REV1: variants seen among roughly 807,000 people sequenced by gnomAD.
REV1 encodes the protein translesion synthesis protein REV1.
In REV1, 42 loss-of-function variants were observed where a neutral mutation model predicts 137.4. The ratio of observed to expected loss-of-function variants is 0.31; its 90% CI spans 0.24 to 0.40. The LOEUF is 0.40. REV1 is among the 10% of genes least tolerant of loss of function. The pLI, the probability that REV1 is intolerant of heterozygous loss-of-function variation, is 1.00. For synonymous variants in REV1, 524 were observed against 519.2 expected, an observed-to-expected ratio of 1.01 and a Z score of -0.12; for missense variants, 1,282 against 1,490.1, an observed-to-expected ratio of 0.86 and a Z score of 2.30.
Position 99,403,778 on chromosome 2 carries a change from A to G in REV1, c.3083T>C (p.Leu1028Pro). 6.2e-7 allele frequency: 1 copy of G among 1,614,168 alleles called. No homozygotes were observed. The highest frequency in any genetic ancestry group is 8.5e-7 in the Non-Finnish European group (1 of 1,180,028). The change falls in exon 19 of 23, where the codon CTT becomes CCT. Residue 1028 changes from leucine (L) to proline (P), a missense_variant. Transcript: ENST00000258428. Reference protein sequence around the residue: ...PEVFAALPAELQRELKAAYDQ... With the variant: ...PEVFAALPAEPQRELKAAYDQ... Reference sequence around the variant, plus strand: ...ATACGCTGCTTTCAGCTCCCTCTGAAGTTCAGCAGGAAGGGCAGCAAATAC... The same window carrying G: ...ATACGCTGCTTTCAGCTCCCTCTGAGGTTCAGCAGGAAGGGCAGCAAATAC...
Position 99,467,645 on chromosome 2 carries a change from G to C in REV1, c.-10-2660C>G, listed in dbSNP as rs1684955629. ...AGTCCAAGGGTCTTCCAAGGATAAA[G>C]ATTGCCGCAATTGCTATCAGAACCC... On this transcript the variant is annotated intron_variant, in intron 1 of 22. Coordinates refer to ENST00000258428, the MANE Select transcript of REV1 (RefSeq NM_016316.4). 2.6e-5 allele frequency among the ~76,000 whole-genome samples: 4 copies of C among 152,340 alleles called. No homozygotes were observed. The South Asian group carries it at 8.3e-4, about 32-fold the overall frequency.
chr2:99,403,365 T>A, intron 19 of REV1: 1 of 557,680 alleles, frequency 1.8e-6, no homozygotes, highest in Non-Finnish European at 3.2e-6. Flanking sequence ...GGGTTTGATG[T>A]TTGTGATGCA....
At chr2:99,481,888 A>C (rs1264922971) in intron 1 of REV1, among the ~76,000 whole-genome samples, 2 of 152,144 alleles carry the variant, frequency 1.3e-5, no homozygotes, top group African/African-American at 2.4e-5. Flanking sequence ...TTGACTGGCC[A>C]TTGTCTGATT....
intron 8 of REV1, among the ~76,000 whole-genome samples, chr2:99,430,719 G>A (rs1407156214): frequency 6.6e-6 from 1 of 152,100 alleles, no homozygotes; most frequent in Non-Finnish European, 1.5e-5. Flanking sequence ...CACACACTCT[G>A]GAGAGCCTAC....
chr2:99,447,399 T>C (rs1682361923), intron 4 of REV1, among the ~76,000 whole-genome samples: 1 of 152,146 alleles, frequency 6.6e-6, no homozygotes, highest in Non-Finnish European at 1.5e-5. Flanking sequence ...CTCGATCTCT[T>C]GACCTCGTGA....
intron 14 of REV1, chr2:99,408,409 G>C (rs1676639842): frequency 4.1e-6 from 1 of 241,792 alleles, no homozygotes; most frequent in African/African-American, 2.2e-5. Context: ...GAGAAATTTA[G>C]AAAAAGGTAG....
chr2:99,462,384 T>C lies in REV1; in HGVS notation c.181+112A>G. On this transcript the variant is annotated intron_variant, in intron 3 of 22. Coordinates refer to ENST00000258428, the MANE Select transcript of REV1 (RefSeq NM_016316.4). ...TAAGCAGATGATTTATTTCTTCTCA[T>C]CTTACAATCATTTGTCTATAATAAA... The C allele has an allele frequency of 4.0e-6, 4 of 1,010,014 alleles. No homozygotes were observed. In the South Asian group the frequency reaches 7.8e-5, roughly 20 times the overall value. The allele number at this position is 1,010,014 out of a possible 1,614,324, so 62.6% of individuals were successfully genotyped here.
chr2:99,419,205 ATTTTT>A (rs774732084), intron 11 of REV1, among the ~76,000 whole-genome samples: 2 of 116,010 alleles, frequency 1.7e-5, no homozygotes. Flanking sequence ...AGCAGTCCTG[ATTTTT>A]TTTTTTTTTT....
At chr2:99,407,050 T>G (rs529771322) in intron 15 of REV1, 1 of 140,670 alleles carries the variant, frequency 7.1e-6, no homozygotes, top group Admixed American at 7.6e-5. Context: ...TACTTACATA[T>G]GCACACATAA....
chr2:99,473,227 G>A (rs1575222319), intron 1 of REV1, among the ~76,000 whole-genome samples: 2 of 152,214 alleles, frequency 1.3e-5, no homozygotes, highest in Non-Finnish European at 2.9e-5. Context: ...TATTAGCTGG[G>A]AGTGGTGGCG....
At chr2:99,477,010 A>C (rs964390219) in intron 1 of REV1, among the ~76,000 whole-genome samples, 1 of 152,174 alleles carries the variant, frequency 6.6e-6, no homozygotes, top group Admixed American at 6.5e-5. Context: ...CCTTCTAGCC[A>C]ATTATTTAAC....
intron 6 of REV1, among the ~76,000 whole-genome samples, chr2:99,437,822 T>C (rs1380412186): frequency 6.6e-6 from 1 of 152,136 alleles, no homozygotes; most frequent in Non-Finnish European, 1.5e-5. Context: ...ATTTTTTGAC[T>C]AAAAGCACAT....
At chr2:99,411,123 A>C (rs543287184) in intron 13 of REV1, among the ~76,000 whole-genome samples, 1 of 152,136 alleles carries the variant, frequency 6.6e-6, no homozygotes, top group East Asian at 2.0e-4. Context: ...CCTCATCTCT[A>C]CTAAAAATGC....
At position 99,436,459 on chromosome 2, in the gene REV1, G is replaced by A. The variant is rs190303284; in HGVS notation, c.1214-518C>T. 1.9e-4 allele frequency among the ~76,000 whole-genome samples: 29 copies of A among 152,294 alleles called. 2 individuals are homozygous for A. The highest frequency in any genetic ancestry group is 1.7e-3 in the Admixed American group (26 of 15,296). On this transcript the variant is annotated intron_variant, in intron 6 of 22. Coordinates refer to ENST00000258428, the MANE Select transcript of REV1 (RefSeq NM_016316.4). Reference sequence around the variant, plus strand: ...ACATAGCCTATTATTAAATGGTTGAGCTGTGATTCTGTCTCAAGCAGTCTG... The same window carrying A: ...ACATAGCCTATTATTAAATGGTTGAACTGTGATTCTGTCTCAAGCAGTCTG...
At chr2:99,490,092 C>CGCCCACGCCCCCTCCGCGGCCCG (rs1165996201), upstream of REV1, 1 of 149,522 alleles carries the variant, frequency 6.7e-6, no homozygotes, top group South Asian at 2.1e-4. Flanking sequence ...TCCCCGGCCC[C>CGCCCACGCCCCCTCCGCGGCCCG]GCTCGCGCTC....
chr2:99,462,747 A>G, intron 2 of REV1, 125 bp from the exon 3 acceptor site: 1 of 944,922 alleles, frequency 1.1e-6, no homozygotes, highest in Non-Finnish European at 1.6e-6. Context: ...ACCAGAACAT[A>G]ATGATGACCT....
chr2:99,459,722 C>T lies in REV1; in HGVS notation c.181+2774G>A, dbSNP rs551159233. Among the ~76,000 whole-genome samples the T allele has an allele frequency of 4.3e-4, 65 of 152,036 alleles. 1 individual carries two copies. Among genetic ancestry groups the T allele is most frequent in the Admixed American group, 7.2e-4 (11 of 15,254 alleles). ...CCCTATCTCAAAACAAAGAAACAAACAAAACAAACAAAAAGGATAGAAGGC... is the reference window on the plus strand; with the variant it reads ...CCCTATCTCAAAACAAAGAAACAAATAAAACAAACAAAAAGGATAGAAGGC... On this transcript the variant is annotated intron_variant, in intron 3 of 22. Coordinates refer to ENST00000258428, the MANE Select transcript of REV1 (RefSeq NM_016316.4).
intron 11 of REV1, among the ~76,000 whole-genome samples, chr2:99,419,869 T>G (rs1170670083): frequency 6.6e-6 from 1 of 152,152 alleles, no homozygotes; most frequent in Non-Finnish European, 1.5e-5. Flanking sequence ...TGAGGACATA[T>G]CTTGGTTTTA....
intron 4 of REV1, among the ~76,000 whole-genome samples, chr2:99,444,800 C>T (rs1681980262): frequency 6.6e-6 from 1 of 152,096 alleles, no homozygotes; most frequent in Non-Finnish European, 1.5e-5. Flanking sequence ...TTGTATAAGA[C>T]CTTTTTAAAA....
Sources: gnomAD v4.1 joint callset for allele counts (sites outside exome capture counted in the v4.1 genomes callset) on GRCh38, gnomAD v4.1.1 for gene constraint, MANE v1.5 for transcripts, NCBI Gene and HGNC (gene_info 2026-07-23, HGNC 2026-07-21) for gene names.